Variants in RAB37 observed in about 807,000 individuals in gnomAD.
RAB37 encodes the protein RAB37, member RAS oncogene family, also known as ras-related protein Rab-37.
A neutral mutation model predicts 33.1 loss-of-function variants in RAB37; 29 were observed. The observed-to-expected ratio is 0.88, with a 90% confidence interval of 0.65 to 1.20. The LOEUF (loss-of-function observed/expected upper bound fraction) is 1.20, where lower values mean the gene tolerates loss of function less well. Ranked by LOEUF, RAB37 falls within the 50% of genes most tolerant of loss-of-function variation. The pLI, the probability that RAB37 is intolerant of heterozygous loss-of-function variation, is 0.00. For synonymous variants in RAB37, 128 were observed against 119.5 expected, an observed-to-expected ratio of 1.07 and a Z score of -0.47; for missense variants, 299 against 301.1, an observed-to-expected ratio of 0.99 and a Z score of 0.05.
At chr17:74,684,283 A>G (rs1396679280) in intron 1 of RAB37, among the ~76,000 whole-genome samples, 1 of 139,994 alleles carries the variant, frequency 7.1e-6, no homozygotes, top group African/African-American at 2.7e-5. Context: ...TTTTTTTTTT[A>G]GTAAAGATGG....
chr17:74,728,364 TGTA>T (rs2034333240), intron 1 of RAB37, among the ~76,000 whole-genome samples: 1 of 152,026 alleles, frequency 6.6e-6, no homozygotes, highest in African/African-American at 2.4e-5. Flanking sequence ...TGTTTGTGTG[TGTA>T]GATGTTTTTG....
In RAB37 at chr17:74,744,247, CAGA is replaced by C. The variant is rs1160263028; in HGVS notation, c.367-53_367-51del. 6.7e-7 allele frequency: 1 copy of C among 1,495,884 alleles called. No homozygotes were observed. The highest frequency in any genetic ancestry group is 9.2e-7 in the Non-Finnish European group (1 of 1,083,432). The allele number at this position is 1,495,884 out of a possible 1,614,324, so 92.7% of individuals were successfully genotyped here. ...AGTAACTGAGGATAGTCAAACGGAG[CAGA>C]AGAAGAAAGGGGCAGCAGGAGGAAG... is the stretch of plus-strand genomic sequence containing the variant. On this transcript the variant is annotated intron_variant, in intron 5 of 8. Coordinates refer to ENST00000392613, the MANE Select transcript of RAB37 (RefSeq NM_001006638.3). The surrounding 1 kb of genome is among the most constrained non-coding windows in gnomAD (Gnocchi z 4.2).
chr17:74,687,503 C>T (rs1369700762), intron 1 of RAB37, among the ~76,000 whole-genome samples: 6 of 152,038 alleles, frequency 3.9e-5, no homozygotes, highest in Non-Finnish European at 7.4e-5. Flanking sequence ...GGATTACAGG[C>T]GTGAGCCACC....
intron 1 of RAB37, among the ~76,000 whole-genome samples, chr17:74,725,667 A>G (rs2144020833): frequency 6.6e-6 from 1 of 151,342 alleles, no homozygotes; most frequent in Non-Finnish European, 1.5e-5. Flanking sequence ...TCTGTCACCC[A>G]GGCTAGAGTG....
chr17:74,677,409 C>T (rs770893451), intron 1 of RAB37: 9 of 150,986 alleles, frequency 6.0e-5, no homozygotes, highest in African/African-American at 1.9e-4. Context: ...ATTTTTTTTT[C>T]GATGAAACAA....
At chr17:74,727,507 C>T (rs190756014) in intron 1 of RAB37, among the ~76,000 whole-genome samples, 4 of 152,322 alleles carry the variant, frequency 2.6e-5, no homozygotes, top group Admixed American at 1.3e-4. Flanking sequence ...CTAACTCAAC[C>T]GTTAGAGGGG....
intron 1 of RAB37, chr17:74,694,883 G>A: frequency 2.0e-6 from 1 of 499,370 alleles, no homozygotes. Flanking sequence ...CCTCAACTAT[G>A]TAGGAGAGGA....
chr17:74,740,775 T>C lies in RAB37; in HGVS notation c.101T>C (p.Leu34Pro), dbSNP rs2034593658. The part of the protein sequence containing the change: ...PSYDLTGKVM[L>P]LGDTGVGKTC... ...TCTGCCCCTACCCCCTAGGTGATGC[T>C]TCTGGGAGACACAGGCGTCGGCAAA... The change falls in exon 2 of 9, where the codon CTT becomes CCT. Residue 34 changes from leucine to proline, a missense_variant. Transcript: ENST00000392613. 1 of 1,613,580 alleles carries C rather than the reference T, an allele frequency of 6.2e-7. No homozygotes were observed. Among genetic ancestry groups the C allele is most frequent in the Non-Finnish European group, 8.5e-7 (1 of 1,179,582 alleles).
chr17:74,684,444 A>G (rs1044023928), intron 1 of RAB37, among the ~76,000 whole-genome samples: 29 of 152,216 alleles, frequency 1.9e-4, no homozygotes, highest in African/African-American at 7.0e-4. Flanking sequence ...AAAAATGAAA[A>G]ACAAAGAAAA....
intron 1 of RAB37, among the ~76,000 whole-genome samples, chr17:74,684,859 A>AGATAGAT: frequency 1.4e-5 from 1 of 71,478 alleles, no homozygotes; most frequent in South Asian, 3.8e-4. Context: ...TGTGTGAGAT[A>AGATAGAT]GATAGATAGA....
intron 1 of RAB37, chr17:74,698,513 C>T: frequency 8.2e-6 from 13 of 1,588,460 alleles, no homozygotes; most frequent in Non-Finnish European, 1.1e-5. Context: ...CCCTGCATCC[C>T]AGGCTCACCA....
intron 1 of RAB37, chr17:74,698,250 C>T: frequency 1.3e-6 from 1 of 778,594 alleles, no homozygotes; most frequent in South Asian, 1.7e-5. Flanking sequence ...TGCTGAGGGC[C>T]TTTGGGACTG....
chr17:74,732,722 G>C (rs950014727), upstream of RAB37, among the ~76,000 whole-genome samples: 10 of 60,338 alleles, frequency 1.7e-4, no homozygotes, highest in Admixed American at 5.0e-4. Context: ...GGTGTGACGT[G>C]TGTGGTGTGA....
At chr17:74,716,768 A>G (rs572658296) in intron 1 of RAB37, among the ~76,000 whole-genome samples, 2 of 152,214 alleles carry the variant, frequency 1.3e-5, no homozygotes, top group South Asian at 2.1e-4. Context: ...AGTGCTGACA[A>G]TGAAGAATTG....
intron 2 of RAB37, among the ~76,000 whole-genome samples, chr17:74,731,900 C>A (rs1025982619): frequency 1.3e-5 from 2 of 152,010 alleles, no homozygotes; most frequent in Non-Finnish European, 2.9e-5. Flanking sequence ...ATCCCAGCTA[C>A]TTGGGAGGCT....
At position 74,742,300 on chromosome 17, in the gene RAB37, G is replaced by A; in HGVS notation, c.246+5G>A. ...GGCGTGAGAGTGAAGCTGCAGGTGA[G>A]ACCAGAGGCTGGAGTTGGGGAGGGA... On this transcript the variant is annotated splice_donor_5th_base_variant and intron_variant, in intron 3 of 8. Coordinates refer to ENST00000392613, the MANE Select transcript of RAB37 (RefSeq NM_001006638.3). This position sits in a 1 kb window ranked among gnomAD's most constrained non-coding sequence, Gnocchi z 4.0. 6.2e-7 allele frequency: 1 copy of A among 1,611,736 alleles called. No individual in the cohort carries two copies. The highest frequency in any genetic ancestry group is 1.1e-5 in the South Asian group (1 of 90,760).
Position 74,680,912 on chromosome 17 carries a change from A to G in RAB37, c.72+9254A>G, listed in dbSNP as rs115621574. 5.4e-3 allele frequency among the ~76,000 whole-genome samples: 830 copies of G among 152,332 alleles called. 8 individuals carry two copies. The highest frequency in any genetic ancestry group is 0.019 in the African/African-American group (786 of 41,574). ...GGGGCAAGAACCATGGAAGAGTAGAAAGGTGATTGGGGACATTTCCTTATA... is the reference window on the plus strand; with the variant it reads ...GGGGCAAGAACCATGGAAGAGTAGAGAGGTGATTGGGGACATTTCCTTATA... On this transcript the variant is annotated intron_variant, in intron 1 of 7. Coordinates refer to the RAB37 transcript ENST00000340415.
At chr17:74,675,939 C>T (rs2031822084) in intron 1 of RAB37, among the ~76,000 whole-genome samples, 3 of 152,022 alleles carry the variant, frequency 2.0e-5, no homozygotes, top group Admixed American at 1.3e-4. Flanking sequence ...TTGTTGTTGC[C>T]ACAAATCTGA....
At chr17:74,719,739 C>T (rs1001444897) in intron 1 of RAB37, among the ~76,000 whole-genome samples, 4 of 152,196 alleles carry the variant, frequency 2.6e-5, no homozygotes, top group African/African-American at 9.6e-5. Context: ...TGGTCTCGAA[C>T]TCCTGGGCTC....
Sources: allele counts gnomAD v4.1 joint callset (sites outside exome capture counted in the v4.1 genomes callset), GRCh38; gene constraint gnomAD v4.1.1; non-coding constraint Gnocchi (gnomAD v3.1); transcripts MANE v1.5; gene names NCBI Gene and HGNC (gene_info 2026-07-23, HGNC 2026-07-21).